The following LRP1B variants were observed in gnomAD, a reference collection of about 807,000 sequenced individuals.
The protein encoded by LRP1B is low-density lipoprotein receptor-related protein 1B.
A neutral mutation model predicts 556.6 loss-of-function variants in LRP1B; 217 were observed. The observed-to-expected ratio is 0.39, with a 90% confidence interval of 0.35 to 0.44. The LOEUF is 0.44. LRP1B is among the 20% of genes least tolerant of loss of function. The pLI is 1.00. For missense variants in LRP1B, 5,053 were observed against 5,620.8 expected (o/e 0.90, Z 3.23); for synonymous variants, 2,047 against 1,865.8 (o/e 1.10, Z -2.50).
chr2:141,591,497 T>C (rs1687337881), intron 2 of LRP1B, among the ~76,000 whole-genome samples: 1 of 151,854 alleles, frequency 6.6e-6, no homozygotes, highest in Non-Finnish European at 1.5e-5. Context: ...GTTGTGCTTA[T>C]AGCAGAGGTC....
intron 35 of LRP1B, among the ~76,000 whole-genome samples, chr2:140,763,311 G>T (rs1688993595): frequency 6.6e-6 from 1 of 151,836 alleles, no homozygotes; most frequent in Non-Finnish European, 1.5e-5. Context: ...AGAAAGAGTG[G>T]TACATTCAAT....
intron 86 of LRP1B, among the ~76,000 whole-genome samples, chr2:140,261,533 T>A (rs1681936994): frequency 6.6e-6 from 1 of 151,800 alleles, no homozygotes; most frequent in African/African-American, 2.4e-5. Context: ...TATGAACAAA[T>A]AAACACACCT....
At chr2:141,841,631 A>AT (rs1697474727) in intron 1 of LRP1B, among the ~76,000 whole-genome samples, 2 of 152,134 alleles carry the variant, frequency 1.3e-5, no homozygotes, top group Admixed American at 6.6e-5. Context: ...GTTGATGAAC[A>AT]TTTTTACATG....
At chr2:141,552,305 T>G (rs906727787) in intron 2 of LRP1B, among the ~76,000 whole-genome samples, 2 of 152,168 alleles carry the variant, frequency 1.3e-5, no homozygotes, top group Non-Finnish European at 2.9e-5. Flanking sequence ...AGCGTTTTAA[T>G]TTTTGGAACT....
chr2:141,623,273 A>G (rs1329901008), intron 2 of LRP1B, among the ~76,000 whole-genome samples: 2 of 152,258 alleles, frequency 1.3e-5, no homozygotes, highest in Non-Finnish European at 2.9e-5. Context: ...TTCAAAATCA[A>G]TCAAATAAAT....
At chr2:141,682,016 T>C (rs1473001057) in intron 2 of LRP1B, among the ~76,000 whole-genome samples, 2 of 152,076 alleles carry the variant, frequency 1.3e-5, no homozygotes, top group Non-Finnish European at 2.9e-5. Context: ...ACTATGTTGC[T>C]TTTTTTCAGG....
At chr2:141,902,073 AT>A (rs927961022) in intron 1 of LRP1B, among the ~76,000 whole-genome samples, 2 of 3,276 alleles carry the variant, frequency 6.1e-4, no homozygotes, top group African/African-American at 1.3e-3. Flanking sequence ...ACAAAAAATT[AT>A]AGTTAAAATT....
chr2:141,553,909 TATATA>T (rs573502042), intron 2 of LRP1B, among the ~76,000 whole-genome samples: 7 of 122,952 alleles, frequency 5.7e-5, no homozygotes, highest in East Asian at 2.1e-4. Flanking sequence ...TTAATATAGT[TATATA>T]ATATATCTAT....
intron 29 of LRP1B, among the ~76,000 whole-genome samples, chr2:140,848,260 C>T (rs1239354206): frequency 6.6e-6 from 1 of 152,150 alleles, no homozygotes; most frequent in African/African-American, 2.4e-5. Context: ...CAATGCTTAT[C>T]CAACCACATT....
chr2:140,460,618 A>C (rs1573964134), intron 60 of LRP1B, among the ~76,000 whole-genome samples: 2 of 152,298 alleles, frequency 1.3e-5, no homozygotes, highest in South Asian at 2.1e-4. Context: ...ACATTTAATA[A>C]ATCTTTCATT....
At chr2:141,423,091 G>T (rs1167383581) in intron 3 of LRP1B, among the ~76,000 whole-genome samples, 1 of 152,066 alleles carries the variant, frequency 6.6e-6, no homozygotes, top group Non-Finnish European at 1.5e-5. Flanking sequence ...AAGAGGAGAA[G>T]AGGTATGTTT....
intron 11 of LRP1B, among the ~76,000 whole-genome samples, chr2:141,041,384 C>A (rs1698692561): frequency 6.6e-6 from 1 of 152,114 alleles, no homozygotes; most frequent in Non-Finnish European, 1.5e-5. Context: ...GCAAGCAGAG[C>A]TGATCCCTTC....
At chr2:141,878,588 A>T (rs540090748) in intron 1 of LRP1B, among the ~76,000 whole-genome samples, 4 of 152,160 alleles carry the variant, frequency 2.6e-5, no homozygotes, top group African/African-American at 9.6e-5. Flanking sequence ...CAAAAGAAAG[A>T]TAGTAATATT....
intron 66 of LRP1B, among the ~76,000 whole-genome samples, chr2:140,404,591 T>A (rs571158224): frequency 1.3e-5 from 2 of 152,126 alleles, no homozygotes; most frequent in Non-Finnish European, 2.9e-5. Context: ...ATATTAATGT[T>A]GAATGTAAAT....
chr2:141,503,942 T>C lies in LRP1B; in HGVS notation c.206-23409A>G, dbSNP rs903847676. Among the ~76,000 whole-genome samples the C allele has an allele frequency of 1.5e-4, 7 of 45,502 alleles. No homozygotes were observed. The East Asian group carries it at 0.018, about 115-fold the overall frequency. 29.9% of individuals were successfully genotyped at this position (45,502 alleles called of 152,430 possible). A position where few individuals can be genotyped will look rare whatever the true frequency, so the allele number is the denominator to read the frequency against. ...TCTTAACACTAAGTATTTTACTCCA[T>C]GTGTACACAGGAATAAATTAGAATT... is the stretch of plus-strand genomic sequence containing the variant. On this transcript the variant is annotated intron_variant, in intron 2 of 90. Transcript: ENST00000389484.
At chr2:140,831,962 A>G (rs1360409949) in intron 31 of LRP1B, among the ~76,000 whole-genome samples, 1 of 152,174 alleles carries the variant, frequency 6.6e-6, no homozygotes, top group Non-Finnish European at 1.5e-5. Context: ...ACAAAACTAC[A>G]ATGGGATATC....
chr2:141,630,816 A>T (rs78912237), intron 2 of LRP1B, among the ~76,000 whole-genome samples: 35 of 152,114 alleles, frequency 2.3e-4, no homozygotes, highest in African/African-American at 8.0e-4. Flanking sequence ...CCAACTATCA[A>T]TTGTGCATAT....
intron 1 of LRP1B, among the ~76,000 whole-genome samples, chr2:141,962,970 A>G (rs1195170520): frequency 6.6e-6 from 1 of 151,858 alleles, no homozygotes; most frequent in Non-Finnish European, 1.5e-5. Context: ...CCAACAAGTC[A>G]CTGTGCAACA....
chr2:141,647,443 T>C (rs1689615576), intron 2 of LRP1B, among the ~76,000 whole-genome samples: 1 of 152,168 alleles, frequency 6.6e-6, no homozygotes, highest in South Asian at 2.1e-4. Context: ...AAGGGCTTCC[T>C]TGACTAAGAG....
Sources: gnomAD v4.1 joint callset for allele counts (sites outside exome capture counted in the v4.1 genomes callset) on GRCh38, gnomAD v4.1.1 for gene constraint, MANE v1.5 for transcripts, NCBI Gene and HGNC (gene_info 2026-07-23, HGNC 2026-07-21) for gene names.